RESF1: variants seen among roughly 807,000 people sequenced by gnomAD.
RESF1 encodes retroelement silencing factor 1.
In RESF1, 65 loss-of-function variants were observed where a neutral mutation model predicts 134.7. The ratio of observed to expected loss-of-function variants is 0.48; its 90% CI spans 0.40 to 0.59. RESF1 has a LOEUF of 0.59. Among genes scored for constraint, RESF1 ranks in the 20% least tolerant of loss-of-function variants. The pLI is 0.00. For synonymous variants in RESF1, 762 were observed against 702.2 expected (o/e 1.09, Z -1.35); for missense variants, 2,274 against 2,002.7 (o/e 1.14, Z -2.59).
At chr12:31,967,737 A>G (rs12425769) in intron 2 of RESF1, among the ~76,000 whole-genome samples, 13 of 150,950 alleles carry the variant, frequency 8.6e-5, no homozygotes, top group African/African-American at 2.9e-4. Flanking sequence ...ACTGGGTGCT[A>G]TGGCTTGCTG....
At chr12:31,989,426 G>T (rs1200464684) in intron 5 of RESF1, among the ~76,000 whole-genome samples, 1 of 145,184 alleles carries the variant, frequency 6.9e-6, no homozygotes, top group Admixed American at 7.0e-5. Flanking sequence ...TAGGCAAAGA[G>T]GGGTTCAGAG....
In RESF1 at chr12:31,981,871, C is replaced by T. The variant is rs1221343938; in HGVS notation, c.916C>T (p.Pro306Ser). The change falls in exon 4 of 6, where the codon CCT becomes TCT. Residue 306 changes from proline (P) to serine (S), a missense_variant. Transcript: ENST00000312561. ...TACTAAACACTTGTCTATGGAAGTT[C>T]CTCAGAGTCGAGAAATGCTGTCATC... ...HITKHLSMEV[P>S]QSREMLSSEI... The T allele has an allele frequency of 4.3e-6, 7 of 1,613,974 alleles. No homozygotes were observed. Among genetic ancestry groups the T allele is most frequent in the Non-Finnish European group, 5.9e-6 (7 of 1,180,020 alleles).
intron 2 of RESF1, among the ~76,000 whole-genome samples, chr12:31,963,366 G>C (rs1939326016): frequency 6.6e-6 from 1 of 151,876 alleles, no homozygotes; most frequent in Admixed American, 6.6e-5. Context: ...AAAGTTCATG[G>C]AGCACAACCT....
intron 3 of RESF1, among the ~76,000 whole-genome samples, chr12:31,973,092 T>C (rs948704195): frequency 6.6e-6 from 1 of 152,180 alleles, no homozygotes; most frequent in Non-Finnish European, 1.5e-5. Flanking sequence ...CTATCAGTGA[T>C]GGAGGCTGGC....
intron 3 of RESF1, among the ~76,000 whole-genome samples, chr12:31,975,450 G>A (rs893986552): frequency 1.3e-5 from 2 of 152,078 alleles, no homozygotes; most frequent in Admixed American, 6.6e-5. Flanking sequence ...TGGGTCTTAC[G>A]GGTTTTGATA....
intron 3 of RESF1, among the ~76,000 whole-genome samples, chr12:31,975,417 A>T (rs938036360): frequency 5.3e-5 from 8 of 152,222 alleles, no homozygotes; most frequent in Non-Finnish European, 1.2e-4. Flanking sequence ...CATCACTAAC[A>T]TTAGAGTTTA....
intron 5 of RESF1, among the ~76,000 whole-genome samples, chr12:31,990,188 T>C (rs1940066859): frequency 6.6e-6 from 1 of 152,166 alleles, no homozygotes; most frequent in African/African-American, 2.4e-5. Context: ...GCTTCAGAGA[T>C]AGGCATGAGT....
intron 3 of RESF1, among the ~76,000 whole-genome samples, chr12:31,976,482 G>A (rs1022189519): frequency 3.9e-5 from 6 of 152,168 alleles, no homozygotes; most frequent in African/African-American, 1.2e-4. Context: ...TCAGGAGTTC[G>A]AGACCAGCCT....
Position 31,982,336 on chromosome 12 carries a change from A to G in RESF1, c.1381A>G (p.Met461Val), listed in dbSNP as rs776867890. ...GTCTGGACCCCAGATAACTCCAGTA[A>G]TGCCAGAGAATGCAGAGAGACAAAC... The part of the protein sequence containing the change: ...IQSGPQITPV[M>V]PENAERQTPT... The change falls in exon 4 of 6, where the codon ATG (methionine) becomes GTG (valine). Residue 461 changes from methionine (M) to valine (V), a missense_variant. Physicochemically the swap from Met to Val is conservative, Grantham distance 21 (BLOSUM62 1). Transcript: ENST00000312561. 6.2e-6 allele frequency: 10 copies of G among 1,614,198 alleles called. 1 individual carries two copies. The highest frequency in any genetic ancestry group is 1.6e-4 in the Middle Eastern group (1 of 6,062).
In RESF1 at chr12:31,982,235, T is replaced by A; in HGVS notation, c.1280T>A (p.Ile427Asn). 3 of 1,613,466 alleles carry A rather than the reference T, an allele frequency of 1.9e-6. No individual in the cohort carries two copies. The highest frequency in any genetic ancestry group is 2.5e-6 in the Non-Finnish European group (3 of 1,179,884). Reference protein sequence around the residue: ...NKDLLMAAGCIKMTNTSYSEP... With the variant: ...NKDLLMAAGCNKMTNTSYSEP... ...GATCTTTTGATGGCAGCAGGTTGTATTAAAATGACTAATACTTCTTATAGT... is the reference window on the plus strand; with the variant it reads ...GATCTTTTGATGGCAGCAGGTTGTAATAAAATGACTAATACTTCTTATAGT... The change falls in exon 4 of 6, where the codon ATT becomes AAT. Residue 427 changes from isoleucine (I) to asparagine (N), a missense_variant. Ile to Asn is a moderately radical substitution (Grantham distance 149). Coordinates refer to ENST00000312561, the MANE Select transcript of RESF1 (RefSeq NM_018169.4).
intron 3 of RESF1, among the ~76,000 whole-genome samples, chr12:31,978,252 A>G (rs1271696997): frequency 3.3e-5 from 5 of 152,138 alleles, no homozygotes; most frequent in Non-Finnish European, 7.3e-5. Context: ...ACTGCTGATA[A>G]TATTCTTGCA....
chr12:31,978,712 ATTTTT>A (rs35842957), intron 3 of RESF1, among the ~76,000 whole-genome samples: 1 of 121,902 alleles, frequency 8.2e-6, no homozygotes, highest in Non-Finnish European at 1.7e-5. Flanking sequence ...CACCCAGCTA[ATTTTT>A]TTTTTTTTTT....
In RESF1 at chr12:31,992,562, A is replaced by G; in HGVS notation, c.*27A>G. On this transcript the variant is annotated 3_prime_UTR_variant, in exon 6 of 6. Transcript: ENST00000312561. ...TACAAGATGTGGTTTTGTAATTGCCACTGGGAAATTTCTTTCCTTTTCTGT... is the reference window on the plus strand; with the variant it reads ...TACAAGATGTGGTTTTGTAATTGCCGCTGGGAAATTTCTTTCCTTTTCTGT... 2 of 1,601,698 alleles carry G rather than the reference A, an allele frequency of 1.2e-6. No homozygotes were observed. Among genetic ancestry groups the G allele is most frequent in the South Asian group, 2.2e-5 (2 of 89,380 alleles).
At position 31,983,116 on chromosome 12, in the gene RESF1, G is replaced by A. The variant is rs777566566; in HGVS notation, c.2161G>A (p.Gly721Arg). 6.8e-6 allele frequency: 11 copies of A among 1,611,144 alleles called. No homozygotes were observed. Among genetic ancestry groups the A allele is most frequent in the Non-Finnish European group, 9.3e-6 (11 of 1,179,074 alleles). Reference sequence around the variant, plus strand: ...CGTTAAGAGTCCTTGTTCAGTTGTGGGAAATTCAAATTCTCAGAATAAAAT... The same window carrying A: ...CGTTAAGAGTCCTTGTTCAGTTGTGAGAAATTCAAATTCTCAGAATAAAAT... ...IHVKSPCSVVGNSNSQNKISN... is the reference protein window; with the variant it reads ...IHVKSPCSVVRNSNSQNKISN... The change falls in exon 4 of 6, where the codon GGA becomes AGA. Residue 721 changes from glycine to arginine, a missense_variant. Transcript: ENST00000312561.
rs185150434 is a variant in RESF1, at chr12:31,963,413, A to C, written c.-247+2542A>C. The stretch of plus-strand genomic sequence containing the variant: ...TGGATCCAGGATCTAAATCCAAAAG[A>C]GAGTTTTAAAGATTTGGGACACTGT... On this transcript the variant is annotated intron_variant, in intron 2 of 5. Coordinates refer to ENST00000312561, the MANE Select transcript of RESF1 (RefSeq NM_018169.4). Among the ~76,000 whole-genome samples, 700 of 151,968 alleles carry C rather than the reference A, an allele frequency of 4.6e-3. 4 individuals are homozygous for C. The highest frequency in any genetic ancestry group is 7.1e-3 in the Non-Finnish European group (484 of 67,998).
chr12:31,975,445 C>G (rs534339781), intron 3 of RESF1, among the ~76,000 whole-genome samples: 12 of 152,238 alleles, frequency 7.9e-5, no homozygotes, highest in Non-Finnish European at 1.8e-4. Flanking sequence ...TCCAATGGGT[C>G]TTACGGGTTT....
chr12:31,975,143 G>A (rs1303077111), intron 3 of RESF1, among the ~76,000 whole-genome samples: 8 of 151,886 alleles, frequency 5.3e-5, no homozygotes, highest in East Asian at 1.9e-4. Flanking sequence ...GCATGGTGGC[G>A]CGCGCCTGTA....
chr12:31,988,822 G>A (rs888044985), intron 5 of RESF1, among the ~76,000 whole-genome samples: 6 of 151,948 alleles, frequency 3.9e-5, no homozygotes, highest in African/African-American at 1.4e-4. Context: ...CTCCTGAGTA[G>A]CTGGGACTAC....
chr12:31,985,842 A>G lies in RESF1; in HGVS notation c.4887A>G (p.Lys1629=), dbSNP rs374392573. The change falls in exon 4 of 6, where the codon AAA becomes AAG. Residue 1629 remains lysine (K), a synonymous_variant. Transcript: ENST00000312561. ...TFLPVKGNTE[K]SNMLEFKLCP... ...TACCGGTGAAAGGTAACACAGAAAA[A>G]TCAAACATGCTGGAGTTTAAATTAT... The G allele has an allele frequency of 6.4e-6, 10 of 1,565,142 alleles. No individual in the cohort carries two copies. Among genetic ancestry groups the G allele is most frequent in the Admixed American group, 2.2e-5 (1 of 45,848 alleles).
Sources: allele counts gnomAD v4.1 joint callset (sites outside exome capture counted in the v4.1 genomes callset), GRCh38; gene constraint gnomAD v4.1.1; transcripts MANE v1.5; gene names NCBI Gene and HGNC (gene_info 2026-07-23, HGNC 2026-07-21).